PCDHGA2: variants seen among roughly 807,000 people sequenced by gnomAD.
The protein encoded by PCDHGA2 is protocadherin gamma-A2.
PCDHGA2 carries 40 observed loss-of-function variants against 59.2 expected under a neutral mutation model. The ratio of observed to expected loss-of-function variants is 0.68; its 90% CI spans 0.52 to 0.88. The LOEUF is 0.88. Ranked by LOEUF, PCDHGA2 falls within the 40% of genes least tolerant of loss-of-function variation. The pLI, the probability that PCDHGA2 is intolerant of heterozygous loss-of-function variation, is 0.00. For missense variants in PCDHGA2, 1,226 were observed against 1,204.0 expected, an observed-to-expected ratio of 1.02 and a Z score of -0.27; for synonymous variants, 560 against 526.0, an observed-to-expected ratio of 1.06 and a Z score of -0.89.
At chr5:141,350,520 T>A in intron 1 of PCDHGA2, 1 of 1,614,008 alleles carries the variant, frequency 6.2e-7, no homozygotes, top group Non-Finnish European at 8.5e-7. Flanking sequence ...AACGGTAGGA[T>A]AGATCGAGAG....
chr5:141,489,210 G>C lies in PCDHGA2; in HGVS notation c.2425-5597G>C. ...TCTACCTTGGAGACAGGACAGCACA[G>C]ACTTACTCTCCACAAAGGGACTTCT... On this transcript the variant is annotated intron_variant, in intron 1 of 3. Coordinates refer to ENST00000394576, the MANE Select transcript of PCDHGA2 (RefSeq NM_018915.4). This position sits in a 1 kb window ranked among gnomAD's most constrained non-coding sequence, Gnocchi z 4.5. 6.8e-7 allele frequency: 1 copy of C among 1,461,860 alleles called. No individual in the cohort carries two copies. Among genetic ancestry groups the C allele is most frequent in the African/African-American group, 1.4e-5 (1 of 70,802 alleles). 90.6% of individuals were successfully genotyped at this position (1,461,860 alleles called of 1,614,324 possible).
intron 1 of PCDHGA2, chr5:141,374,135 A>C: frequency 6.2e-7 from 1 of 1,605,796 alleles, no homozygotes; most frequent in Non-Finnish European, 8.5e-7. Flanking sequence ...CCTGCTCCTC[A>C]CGCTCCTGGG....
At chr5:141,357,452 A>C in intron 1 of PCDHGA2, 1 of 1,614,228 alleles carries the variant, frequency 6.2e-7, no homozygotes, top group Non-Finnish European at 8.5e-7. Context: ...GCTTTCCTGC[A>C]GACCTATTCC....
chr5:141,362,713 T>C (rs1762646923), intron 1 of PCDHGA2: 1 of 922,312 alleles, frequency 1.1e-6, no homozygotes, highest in Non-Finnish European at 1.6e-6. Flanking sequence ...AAGTGTTTTC[T>C]CTCTGAAGTG....
chr5:141,428,111 C>G (rs760446304), intron 1 of PCDHGA2: 2 of 1,607,622 alleles, frequency 1.2e-6, no homozygotes, highest in Non-Finnish European at 1.7e-6. Context: ...TGCTGCAGGC[C>G]ATCGAGCCCG....
rs1051300319 is a variant in PCDHGA2 at position 141,491,957 on chromosome 5, A to T, written c.2425-2850A>T. ...GACCGACCCCCACCCCTACACTCAA[A>T]AAAGGCCGGGGCCTCCTTCGAGCTT... is the stretch of plus-strand genomic sequence containing the variant. On this transcript the variant is annotated intron_variant, in intron 1 of 3. Coordinates refer to ENST00000394576, the MANE Select transcript of PCDHGA2 (RefSeq NM_018915.4). The surrounding 1 kb of genome is among the most constrained non-coding windows in gnomAD (Gnocchi z 6.9). 3.6e-5 allele frequency: 37 copies of T among 1,020,096 alleles called. No individual in the cohort carries two copies. The highest frequency in any genetic ancestry group is 5.0e-5 in the Non-Finnish European group (37 of 736,248). The allele number at this position is 1,020,096 out of a possible 1,614,324, so 63.2% of individuals were successfully genotyped here.
intron 1 of PCDHGA2, among the ~76,000 whole-genome samples, chr5:141,492,869 A>G (rs975868829): frequency 6.6e-6 from 1 of 152,010 alleles, no homozygotes; most frequent in African/African-American, 2.4e-5. Context: ...CTGGCTCTCA[A>G]CCCCCAGAGA....
In PCDHGA2 at chr5:141,390,041, C is replaced by A. The variant is rs373243233; in HGVS notation, c.2424+48646C>A. On this transcript the variant is annotated intron_variant, in intron 1 of 3. Coordinates refer to ENST00000394576, the MANE Select transcript of PCDHGA2 (RefSeq NM_018915.4). ...TGCGCCTGCGACGCTCCTCCAGCCC[C>A]GCCTCCTGGAGCTGCTTCCAGCCTG... is the stretch of plus-strand genomic sequence containing the variant. The A allele has an allele frequency of 3.7e-6, 6 of 1,613,940 alleles. No homozygotes were observed. In the African/African-American group the frequency reaches 8.0e-5, roughly 22 times the overall value.
At chr5:141,473,039 A>G (rs1593411714) in intron 1 of PCDHGA2, among the ~76,000 whole-genome samples, 1 of 152,016 alleles carries the variant, frequency 6.6e-6, no homozygotes, top group East Asian at 1.9e-4. Context: ...GGAAGGAAAG[A>G]AAGAAAGAAG....
At chr5:141,442,689 G>A (rs966261716) in intron 1 of PCDHGA2, among the ~76,000 whole-genome samples, 1 of 152,238 alleles carries the variant, frequency 6.6e-6, no homozygotes, top group South Asian at 2.1e-4. Context: ...CAGTAGTCAG[G>A]CAGACAAGAG....
chr5:141,374,413 C>G (rs773364230), intron 1 of PCDHGA2: 3 of 1,613,856 alleles, frequency 1.9e-6, no homozygotes, highest in Admixed American at 3.3e-5. Context: ...ACATCCTTGT[C>G]GAGGATAAAC....
chr5:141,365,221 C>T (rs1175888601), intron 1 of PCDHGA2: 1 of 1,613,860 alleles, frequency 6.2e-7, no homozygotes, highest in East Asian at 2.2e-5. Flanking sequence ...TTGATTCCAA[C>T]CTGGGGGAAA....
chr5:141,429,169 T>TACACACACACACACAC (rs10667977), intron 1 of PCDHGA2: 2 of 145,394 alleles, frequency 1.4e-5, no homozygotes, highest in East Asian at 2.0e-4. Flanking sequence ...ACATTGTTTA[T>TACACACACACACACAC]ACACACACAC....
chr5:141,495,415 C>T (rs1385371906), intron 2 of PCDHGA2, among the ~76,000 whole-genome samples: 1 of 152,194 alleles, frequency 6.6e-6, no homozygotes, highest in Admixed American at 6.5e-5. Context: ...TTCTCCGGCC[C>T]CTCCTCCCAC....
chr5:141,499,486 C>T (rs569172977), intron 2 of PCDHGA2, among the ~76,000 whole-genome samples: 3 of 152,284 alleles, frequency 2.0e-5, no homozygotes, highest in East Asian at 1.9e-4. Context: ...CCACCAACTA[C>T]AGTTTAATAT....
chr5:141,410,154 A>C (rs1254712035), intron 1 of PCDHGA2: 1 of 1,612,962 alleles, frequency 6.2e-7, no homozygotes, highest in Non-Finnish European at 8.5e-7. Flanking sequence ...GACGGTGGAC[A>C]GCCGCCACTC....
In PCDHGA2 at chr5:141,339,616, T is replaced by C. The variant is rs1431822106; in HGVS notation, c.645T>C (p.Ser215=). Residue 215 remains serine (S), a synonymous_variant, in exon 1 of 4, where the codon TCT becomes TCC. Coordinates refer to ENST00000394576, the MANE Select transcript of PCDHGA2 (RefSeq NM_018915.4). The part of the protein sequence containing the change: ...EAVHHLVLVA[S]DGGDPVLSGT... ...TTCACCACCTCGTTCTCGTGGCTTC[T>C]GATGGGGGTGACCCAGTGCTATCTG... 1.9e-6 allele frequency: 3 copies of C among 1,614,098 alleles called. No individual in the cohort carries two copies. Among genetic ancestry groups the C allele is most frequent in the Non-Finnish European group, 2.5e-6 (3 of 1,180,046 alleles).
chr5:141,494,906 A>T, intron 2 of PCDHGA2, 41 bp downstream of exon 2: 1 of 1,613,800 alleles, frequency 6.2e-7, no homozygotes, highest in Non-Finnish European at 8.5e-7. Flanking sequence ...TCTCTGCGGC[A>T]TTTTCTCAGG....
intron 3 of PCDHGA2, among the ~76,000 whole-genome samples, chr5:141,507,918 G>C (rs1409126707): frequency 6.6e-6 from 1 of 152,208 alleles, no homozygotes; most frequent in Non-Finnish European, 1.5e-5. Flanking sequence ...CAGGCCTGTG[G>C]GGCTGCTGAG....
Sources: allele counts gnomAD v4.1 joint callset (sites outside exome capture counted in the v4.1 genomes callset), GRCh38; gene constraint gnomAD v4.1.1; non-coding constraint Gnocchi (gnomAD v3.1); transcripts MANE v1.5; gene names NCBI Gene and HGNC (gene_info 2026-07-23, HGNC 2026-07-21).